The following KARS1 variants were observed in gnomAD, a reference collection of about 807,000 sequenced individuals.
The protein encoded by KARS1 is lysyl-tRNA synthetase 1, also known as lysine--tRNA ligase.
Under a neutral mutation model 63.9 loss-of-function variants are expected in KARS1, and 50 were observed. That is an observed-to-expected ratio of 0.78 (90% CI 0.62 to 0.99). The LOEUF (loss-of-function observed/expected upper bound fraction) is 0.99. Ranked by LOEUF, KARS1 falls within the 50% of genes least tolerant of loss-of-function variation. The pLI is 0.00. For missense variants in KARS1, 816 were observed against 754.5 expected (o/e 1.08, Z -0.95); for synonymous variants, 320 against 264.6 (o/e 1.21, Z -2.03).
At chr16:75,640,142 C>T in intron 3 of KARS1, 42 bp downstream of exon 3, 8 of 1,581,796 alleles carry the variant, frequency 5.1e-6, no homozygotes, top group Non-Finnish European at 7.0e-6. Flanking sequence ...CGCAGGCCTA[C>T]CTGCTGTGGG....
rs898071218 is a variant in KARS1, at chr16:75,639,554, A to G, written c.388+630T>C. ...ACCACTGCATTCCAGCCTGGGAGAC[A>G]GAGTGAGACTATATCTCAAAAAAAA... On this transcript the variant is annotated intron_variant, in intron 3 of 13. Transcript: ENST00000302445. Among the ~76,000 whole-genome samples the G allele has an allele frequency of 5.0e-5, 7 of 140,386 alleles. No homozygotes were observed. In the East Asian group the frequency reaches 1.2e-3, roughly 24 times the overall value. 92.1% of individuals were successfully genotyped at this position (140,386 alleles called of 152,430 possible).
At chr16:75,632,595 G>A (rs533716736) in intron 7 of KARS1, among the ~76,000 whole-genome samples, 2 of 152,298 alleles carry the variant, frequency 1.3e-5, no homozygotes, top group African/African-American at 2.4e-5. Flanking sequence ...AGGTCCTAGC[G>A]GCAATGACTT....
At position 75,643,730 on chromosome 16, in the gene KARS1, T is replaced by C. The variant is rs189127038; in HGVS notation, c.63-2007A>G. The stretch of plus-strand genomic sequence containing the variant: ...AACAGATTCTGAATGGTTTCAAAGT[T>C]GACAGCTTTTTCTACATATAATGTC... On this transcript the variant is annotated intron_variant, in intron 1 of 13. Coordinates refer to ENST00000302445, the MANE Select transcript of KARS1 (RefSeq NM_005548.3). 2.3e-3 allele frequency among the ~76,000 whole-genome samples: 349 copies of C among 152,372 alleles called. 3 individuals are homozygous for C. The highest frequency in any genetic ancestry group is 7.7e-3 in the African/African-American group (319 of 41,582).
At chr16:75,644,447 TAATG>T (rs773013139) in intron 1 of KARS1, 20 of 1,600,706 alleles carry the variant, frequency 1.2e-5, no homozygotes, top group Non-Finnish European at 1.7e-5. Flanking sequence ...ACCCTGGAAC[TAATG>T]ATTACCACCA....
chr16:75,628,448 G>T, intron 13 of KARS1, 121 bp downstream of exon 13: 2 of 1,173,132 alleles, frequency 1.7e-6, no homozygotes, highest in African/African-American at 1.5e-5. Context: ...GAACTCCTCT[G>T]CCTGCTCCTC....
At position 75,631,600 on chromosome 16, in the gene KARS1, A is replaced by C; in HGVS notation, c.1079-11T>G. 1 of 1,614,116 alleles carries C rather than the reference A, an allele frequency of 6.2e-7. No homozygotes were observed. Among genetic ancestry groups the C allele is most frequent in the Non-Finnish European group, 8.5e-7 (1 of 1,179,996 alleles). On this transcript the variant is annotated splice_polypyrimidine_tract_variant and intron_variant, in intron 8 of 13. Transcript: ENST00000302445. ...TATGCTTCACCATCCCTGGGAGAGA[A>C]ACCTGTTATTTAGCGGGAATGAAAT...
At chr16:75,646,484 T>C (rs963850955) in intron 1 of KARS1, among the ~76,000 whole-genome samples, 1 of 149,800 alleles carries the variant, frequency 6.7e-6, no homozygotes, top group Non-Finnish European at 1.5e-5. Context: ...AAGGTTGCAG[T>C]GAGCTGAGAT....
chr16:75,629,421 C>G lies in KARS1; in HGVS notation c.1545G>C (p.Gln515His). 1.9e-6 allele frequency: 3 copies of G among 1,613,986 alleles called. No individual in the cohort carries two copies. The highest frequency in any genetic ancestry group is 2.2e-5 in the South Asian group (2 of 91,072). Residue 515 changes from glutamine (Q) to histidine (H), a missense_variant, in exon 12 of 14, where the codon CAG (glutamine) becomes CAC (histidine). By Grantham distance (24) the Gln-to-His change is conservative. Coordinates refer to ENST00000302445, the MANE Select transcript of KARS1 (RefSeq NM_005548.3). ...TCACAGTCCCCTTTCTCACCTTGGC[C>G]TGTTCTTCAAAAAGCTGCCGCTGCC... The part of the protein sequence containing the change: ...PMRQRQLFEE[Q>H]AKAKAAGDDE...
intron 1 of KARS1, among the ~76,000 whole-genome samples, chr16:75,644,843 TATAAA>T (rs1567505773): frequency 6.6e-6 from 1 of 152,142 alleles, no homozygotes; most frequent in East Asian, 1.9e-4. Context: ...ATAGGAAGCA[TATAAA>T]ATAAGAGGAA....
At chr16:75,630,586 A>G in intron 10 of KARS1, 78 bp from the exon 11 acceptor site, 1 of 840,072 alleles carries the variant, frequency 1.2e-6, no homozygotes. Flanking sequence ...AGAAGATCTC[A>G]GCTCCCATCC....
intron 1 of KARS1, among the ~76,000 whole-genome samples, chr16:75,645,250 A>G (rs543392907): frequency 3.3e-5 from 5 of 152,364 alleles, no homozygotes; most frequent in Non-Finnish European, 5.9e-5. Flanking sequence ...ATAGACATCA[A>G]TGACAGGTAA....
At chr16:75,645,801 C>T (rs1039000104) in intron 1 of KARS1, among the ~76,000 whole-genome samples, 6 of 144,790 alleles carry the variant, frequency 4.1e-5, no homozygotes, top group Admixed American at 1.4e-4. Flanking sequence ...GGGCTGAAAT[C>T]GCACCGCTGC....
intron 1 of KARS1, among the ~76,000 whole-genome samples, chr16:75,645,337 C>A (rs371153528): frequency 6.6e-6 from 1 of 152,212 alleles, no homozygotes. Flanking sequence ...CAGATCCGTG[C>A]TCCAGTGCTC....
At chr16:75,641,775 A>G in intron 1 of KARS1, 52 bp from the exon 2 acceptor site, 2 of 1,590,708 alleles carry the variant, frequency 1.3e-6, no homozygotes, top group South Asian at 2.2e-5. Flanking sequence ...AGAGTCCTCT[A>G]TGTTCTGCCC....
At chr16:75,632,808 G>A (rs1346269646) in intron 7 of KARS1, among the ~76,000 whole-genome samples, 2 of 152,176 alleles carry the variant, frequency 1.3e-5, no homozygotes, top group African/African-American at 4.8e-5. Context: ...AAATATTAAA[G>A]GGAAATATTG....
chr16:75,638,217 CT>C (rs57551067), intron 3 of KARS1, among the ~76,000 whole-genome samples: 19,651 of 146,676 alleles, frequency 0.13, 2,793 homozygotes, highest in East Asian at 0.71. Context: ...CAAAAAGTTC[CT>C]TTTTTTTTTT....
At chr16:75,632,465 C>T (rs969767953) in intron 7 of KARS1, among the ~76,000 whole-genome samples, 9 of 152,204 alleles carry the variant, frequency 5.9e-5, no homozygotes, top group African/African-American at 2.2e-4. Flanking sequence ...GTGACCCAAG[C>T]TCCACCAGTC....
At chr16:75,630,563 T>A in intron 10 of KARS1, 55 bp from the exon 11 acceptor site, 1 of 1,126,470 alleles carries the variant, frequency 8.9e-7, no homozygotes, top group Admixed American at 1.7e-5. Flanking sequence ...TATTTGATCG[T>A]CCCAGCCCAG....
At chr16:75,630,629 TA>T in intron 10 of KARS1, 121 bp from the exon 11 acceptor site, 3 of 180,948 alleles carry the variant, frequency 1.7e-5, no homozygotes, top group East Asian at 1.4e-3. Context: ...TTTATTTATT[TA>T]TTATTATTAT....
Sources: gnomAD v4.1 joint callset for allele counts (sites outside exome capture counted in the v4.1 genomes callset) on GRCh38, gnomAD v4.1.1 for gene constraint, MANE v1.5 for transcripts, NCBI Gene and HGNC (gene_info 2026-07-23, HGNC 2026-07-21) for gene names.